The following DLG2 variants were observed in gnomAD, a reference collection of about 807,000 sequenced individuals.
The protein encoded by DLG2 is discs large MAGUK scaffold protein 2, also known as disks large homolog 2.
A neutral mutation model predicts 132.5 loss-of-function variants in DLG2; 45 were observed. That is an observed-to-expected ratio of 0.34 (90% CI 0.27 to 0.44). The LOEUF is 0.44. DLG2 is among the 20% of genes least tolerant of loss of function. DLG2 has a pLI of 1.00. For synonymous variants in DLG2, 424 were observed against 419.6 expected (o/e 1.01, Z -0.13); for missense variants, 1,045 against 1,196.9 (o/e 0.87, Z 1.87).
chr11:84,737,140 T>C (rs2063941312), intron 6 of DLG2, among the ~76,000 whole-genome samples: 1 of 151,976 alleles, frequency 6.6e-6, no homozygotes, highest in Non-Finnish European at 1.5e-5. Flanking sequence ...GAGATTTTTT[T>C]AGGTGATTAA....
chr11:85,025,242 T>G lies in DLG2; in HGVS notation c.357+86419A>C, dbSNP rs1335462669. On this transcript the variant is annotated intron_variant, in intron 6 of 27. Transcript: ENST00000376104. ...GAGTACATAGGGAATGCTAGCAAAT[T>G]TATTTAACACAGAGGACAATAAACA... 2.6e-5 allele frequency among the ~76,000 whole-genome samples: 4 copies of G among 152,292 alleles called. No individual in the cohort carries two copies. The East Asian group carries it at 7.7e-4, about 29-fold the overall frequency.
At chr11:83,502,906 C>CTTGT (rs1181694316) in intron 21 of DLG2, among the ~76,000 whole-genome samples, 1 of 152,078 alleles carries the variant, frequency 6.6e-6, no homozygotes, top group Non-Finnish European at 1.5e-5. Context: ...TGAACTTTCT[C>CTTGT]TTGTTAGAAG....
intron 18 of DLG2, among the ~76,000 whole-genome samples, chr11:83,785,866 T>G (rs2095036260): frequency 6.6e-6 from 1 of 152,258 alleles, no homozygotes; most frequent in Non-Finnish European, 1.5e-5. Context: ...TCCTCTTTGC[T>G]AGCCATATGG....
At chr11:83,672,401 T>C (rs1428626813) in intron 18 of DLG2, among the ~76,000 whole-genome samples, 1 of 152,102 alleles carries the variant, frequency 6.6e-6, no homozygotes, top group East Asian at 1.9e-4. Context: ...GGTCTCAAAC[T>C]CCTGACCTCA....
chr11:83,727,768 G>A (rs950035132), intron 18 of DLG2, among the ~76,000 whole-genome samples: 6 of 152,128 alleles, frequency 3.9e-5, no homozygotes, highest in Non-Finnish European at 7.4e-5. Context: ...TCCAACCTCC[G>A]AAAAATCCAC....
intron 6 of DLG2, among the ~76,000 whole-genome samples, chr11:84,903,680 A>G (rs1186473791): frequency 6.6e-6 from 1 of 152,116 alleles, no homozygotes; most frequent in Admixed American, 6.6e-5. Context: ...GTTTCCCTCA[A>G]CTACAAAATT....
chr11:83,595,094 G>A (rs1235472177), intron 19 of DLG2, among the ~76,000 whole-genome samples: 2 of 151,632 alleles, frequency 1.3e-5, no homozygotes, highest in East Asian at 3.9e-4. Context: ...TTATCTCAGA[G>A]CAAAAAATCT....
chr11:84,536,085 C>T (rs2099354907), intron 6 of DLG2, among the ~76,000 whole-genome samples: 1 of 152,128 alleles, frequency 6.6e-6, no homozygotes. Context: ...TCAATACTTA[C>T]ACTTATACTT....
At position 84,535,811 on chromosome 11, in the gene DLG2, C is replaced by T. The variant is rs181465818; in HGVS notation, c.358-1080G>A. Among the ~76,000 whole-genome samples the T allele has an allele frequency of 2.0e-5, 3 of 152,236 alleles. No homozygotes were observed. In the East Asian group the frequency reaches 5.8e-4, roughly 29 times the overall value. ...TAAAGTGTTAGTTTGCTTTACTTTG[C>T]CTATGTTCCTTGTGCATAACACAGG... On this transcript the variant is annotated intron_variant, in intron 6 of 27. Coordinates refer to ENST00000376104, the MANE Select transcript of DLG2 (RefSeq NM_001142699.3).
rs1383239658 is a variant in DLG2, at chr11:84,102,582, A to G, written c.625-3535T>C. Reference sequence around the variant, plus strand: ...ACACAACTGTTCAGATTGGAGATGCACTACTCTGTAAGGGATAGAGGATCC... The same window carrying G: ...ACACAACTGTTCAGATTGGAGATGCGCTACTCTGTAAGGGATAGAGGATCC... On this transcript the variant is annotated intron_variant, in intron 9 of 27. Transcript: ENST00000376104. 2.0e-5 allele frequency among the ~76,000 whole-genome samples: 3 copies of G among 152,144 alleles called. No individual in the cohort carries two copies. The East Asian group carries it at 5.8e-4, about 29-fold the overall frequency.
At chr11:85,345,195 C>T (rs1400809125) in intron 3 of DLG2, among the ~76,000 whole-genome samples, 1 of 152,002 alleles carries the variant, frequency 6.6e-6, no homozygotes, top group Non-Finnish European at 1.5e-5. Context: ...CTAAATATTG[C>T]CAAAATTCAT....
At chr11:84,318,542 T>C (rs2098382596) in intron 7 of DLG2, among the ~76,000 whole-genome samples, 1 of 152,184 alleles carries the variant, frequency 6.6e-6, no homozygotes, top group East Asian at 1.9e-4. Context: ...TTGCCTGAGC[T>C]GGCAAGGTGC....
intron 3 of DLG2, among the ~76,000 whole-genome samples, chr11:85,490,790 A>T (rs572054810): frequency 1.9e-4 from 29 of 152,196 alleles, no homozygotes; most frequent in African/African-American, 6.3e-4. Flanking sequence ...AACAAGTAGC[A>T]AGACTGAATC....
chr11:84,747,910 AGC>A (rs1450725248), intron 6 of DLG2, among the ~76,000 whole-genome samples: 15 of 152,218 alleles, frequency 9.9e-5, no homozygotes, highest in Admixed American at 9.8e-4. Context: ...AGGAGACAAC[AGC>A]CAGGCCCCAC....
intron 6 of DLG2, among the ~76,000 whole-genome samples, chr11:84,573,091 A>G (rs2099489689): frequency 1.3e-5 from 2 of 152,180 alleles, no homozygotes; most frequent in Admixed American, 1.3e-4. Context: ...GTTGTTGTTA[A>G]TAAGCCACTG....
At chr11:84,536,903 C>T (rs561487525) in intron 6 of DLG2, among the ~76,000 whole-genome samples, 2 of 152,300 alleles carry the variant, frequency 1.3e-5, no homozygotes, top group East Asian at 3.9e-4. Context: ...ATAGAAACAG[C>T]CTCTGAGCTG....
intron 3 of DLG2, among the ~76,000 whole-genome samples, chr11:85,533,020 T>C (rs992936729): frequency 1.3e-5 from 2 of 152,130 alleles, no homozygotes; most frequent in Non-Finnish European, 2.9e-5. Flanking sequence ...GTTGTTGTTG[T>C]TGTTGTTGTT....
At chr11:85,598,433 C>T (rs549525533) in intron 3 of DLG2, among the ~76,000 whole-genome samples, 3 of 152,154 alleles carry the variant, frequency 2.0e-5, no homozygotes, top group South Asian at 4.1e-4. Flanking sequence ...CTTTCAATAA[C>T]CTCTTTTTAT....
chr11:84,669,449 CA>C lies in DLG2; in HGVS notation c.358-134719del, dbSNP rs568657608. Among the ~76,000 whole-genome samples the C allele has an allele frequency of 2.3e-4, 35 of 152,206 alleles. No homozygotes were observed. The East Asian group carries it at 4.4e-3, about 19-fold the overall frequency. ...TATTTTGTTAACTTAAATTGATTTC[CA>C]AAGTGAACGCACTACTATCACCTCT... On this transcript the variant is annotated intron_variant, in intron 6 of 27. Coordinates refer to ENST00000376104, the MANE Select transcript of DLG2 (RefSeq NM_001142699.3).
Sources: allele counts gnomAD v4.1 joint callset (sites outside exome capture counted in the v4.1 genomes callset), GRCh38; gene constraint gnomAD v4.1.1; transcripts MANE v1.5; gene names NCBI Gene and HGNC (gene_info 2026-07-23, HGNC 2026-07-21).